MMP16: variants seen among roughly 807,000 people sequenced by gnomAD.
The protein encoded by MMP16 is matrix metalloproteinase-16.
Under a neutral mutation model 67.8 loss-of-function variants are expected in MMP16, and 12 were observed. That is an observed-to-expected ratio of 0.18 (90% CI 0.11 to 0.29). The LOEUF is 0.29. Among genes scored for constraint, MMP16 ranks in the 10% least tolerant of loss-of-function variants. The pLI, the probability that MMP16 is intolerant of heterozygous loss-of-function variation, is 1.00. For synonymous variants in MMP16, 249 were observed against 255.9 expected (o/e 0.97, Z 0.26); for missense variants, 475 against 765.7 (o/e 0.62, Z 4.48).
intron 1 of MMP16, among the ~76,000 whole-genome samples, chr8:88,293,877 T>C (rs942898450): frequency 1.3e-5 from 2 of 152,124 alleles, no homozygotes; most frequent in Admixed American, 6.5e-5. Flanking sequence ...CAATGTTTCA[T>C]GACCAACTAC....
At chr8:88,147,809 C>T (rs1256692899) in intron 4 of MMP16, among the ~76,000 whole-genome samples, 4 of 150,950 alleles carry the variant, frequency 2.6e-5, no homozygotes, top group African/African-American at 7.3e-5. Context: ...GCATGCACGC[C>T]CCTAGTTTAT....
intron 1 of MMP16, among the ~76,000 whole-genome samples, chr8:88,302,950 G>A (rs995890689): frequency 3.3e-5 from 5 of 152,218 alleles, no homozygotes; most frequent in African/African-American, 1.2e-4. Flanking sequence ...GAGAAGCGGT[G>A]AGTGATTGTA....
intron 1 of MMP16, among the ~76,000 whole-genome samples, chr8:88,322,447 A>G (rs1811474592): frequency 6.6e-6 from 1 of 152,096 alleles, no homozygotes; most frequent in African/African-American, 2.4e-5. Flanking sequence ...TCCTATACCA[A>G]TTGATATGTC....
At chr8:88,201,980 G>A (rs560202715) in intron 1 of MMP16, among the ~76,000 whole-genome samples, 7 of 152,190 alleles carry the variant, frequency 4.6e-5, no homozygotes, top group South Asian at 2.1e-4. Flanking sequence ...TTAAACTCAC[G>A]TTGGAGTAAT....
intron 8 of MMP16, among the ~76,000 whole-genome samples, chr8:88,049,235 GGAATCATTAGT>G (rs1808239281): frequency 6.6e-6 from 1 of 152,032 alleles, no homozygotes; most frequent in Admixed American, 6.6e-5. Context: ...ACAATGAAGT[GGAATCATTAGT>G]GTATCATGCC....
In MMP16 at chr8:88,207,617, C is replaced by G. The variant is rs148487775; in HGVS notation, c.133-10311G>C. On this transcript the variant is annotated intron_variant, in intron 1 of 9. Coordinates refer to ENST00000286614, the MANE Select transcript of MMP16 (RefSeq NM_005941.5). ...GTTGAATTGCTTGTGAATTGCTTCA[C>G]TTGTAGCACAGATTGATGTCTGCAG... is the stretch of plus-strand genomic sequence containing the variant. 7.9e-5 allele frequency among the ~76,000 whole-genome samples: 12 copies of G among 151,780 alleles called. 2 individuals are homozygous for G. Among genetic ancestry groups the G allele is most frequent in the African/African-American group, 2.9e-4 (12 of 41,356 alleles).
chr8:88,077,895 C>A (rs906814931), intron 6 of MMP16, among the ~76,000 whole-genome samples: 14 of 151,934 alleles, frequency 9.2e-5, no homozygotes, highest in African/African-American at 2.9e-4. Context: ...GGTCTTTGAA[C>A]CATAAAGAAA....
In MMP16 at chr8:88,261,772, T is replaced by TACACACACACACACAC. The variant is rs1475874060; in HGVS notation, c.133-64482_133-64467dup. Reference sequence around the variant, plus strand: ...ACATATGCATACATATATGTACATGTACACACACACACACACACACAACCA... The same window carrying TACACACACACACACAC: ...ACATATGCATACATATATGTACATGTACACACACACACACACACACACACACACACACACACAACCA... On this transcript the variant is annotated intron_variant, in intron 1 of 9. Coordinates refer to ENST00000286614, the MANE Select transcript of MMP16 (RefSeq NM_005941.5). Among the ~76,000 whole-genome samples, 569 of 149,760 alleles carry TACACACACACACACAC rather than the reference T, an allele frequency of 3.8e-3. 2 individuals carry two copies. The highest frequency in any genetic ancestry group is 0.014 in the East Asian group (73 of 5,066).
intron 2 of MMP16, among the ~76,000 whole-genome samples, chr8:88,194,781 C>T (rs954902967): frequency 6.6e-6 from 1 of 151,952 alleles, no homozygotes; most frequent in Non-Finnish European, 1.5e-5. Flanking sequence ...GAGAAAGATG[C>T]ACTACCAATT....
intron 6 of MMP16, among the ~76,000 whole-genome samples, chr8:88,107,852 A>C (rs1809268559): frequency 6.6e-6 from 1 of 151,240 alleles, no homozygotes; most frequent in South Asian, 2.1e-4. Context: ...TAAGAATAAA[A>C]ACAAGAAATG....
At chr8:88,205,912 C>T (rs1809418296) in intron 1 of MMP16, among the ~76,000 whole-genome samples, 1 of 152,064 alleles carries the variant, frequency 6.6e-6, no homozygotes, top group Non-Finnish European at 1.5e-5. Flanking sequence ...CGATATCAGT[C>T]ATTCTTTTTT....
chr8:88,182,578 G>T (rs1481200506), intron 3 of MMP16, among the ~76,000 whole-genome samples: 1 of 152,124 alleles, frequency 6.6e-6, no homozygotes, highest in African/African-American at 2.4e-5. Flanking sequence ...GGGGCTTGTA[G>T]GTCTACAGTA....
At chr8:88,063,135 C>T (rs1808421792) in intron 7 of MMP16, among the ~76,000 whole-genome samples, 1 of 152,064 alleles carries the variant, frequency 6.6e-6, no homozygotes, top group Non-Finnish European at 1.5e-5. Flanking sequence ...AATAGAATAG[C>T]TTTAAAAATG....
intron 1 of MMP16, among the ~76,000 whole-genome samples, chr8:88,274,090 C>T (rs1012799491): frequency 3.9e-5 from 6 of 151,980 alleles, no homozygotes; most frequent in Admixed American, 3.3e-4. Context: ...AGAAAGCAAA[C>T]GTACCATAGA....
chr8:88,160,825 C>T (rs1808607040), intron 4 of MMP16, among the ~76,000 whole-genome samples: 1 of 151,986 alleles, frequency 6.6e-6, no homozygotes, highest in Middle Eastern at 3.2e-3. Flanking sequence ...TATAAAGACA[C>T]ATGCACACGT....
intron 1 of MMP16, among the ~76,000 whole-genome samples, chr8:88,325,272 A>G (rs1415137449): frequency 6.6e-6 from 1 of 152,196 alleles, no homozygotes; most frequent in African/African-American, 2.4e-5. Flanking sequence ...AAAGAAATAC[A>G]ATCTTTTATG....
chr8:88,240,551 G>T (rs918148871), intron 1 of MMP16, among the ~76,000 whole-genome samples: 1 of 152,102 alleles, frequency 6.6e-6, no homozygotes, highest in African/African-American at 2.4e-5. Flanking sequence ...CTATTGAGAA[G>T]TATACAAGGC....
chr8:88,270,069 C>G (rs941880639), intron 1 of MMP16, among the ~76,000 whole-genome samples: 18 of 152,162 alleles, frequency 1.2e-4, no homozygotes. Context: ...CACTTCAACA[C>G]TTTTGGAATG....
At chr8:88,227,895 T>A (rs1169705699) in intron 1 of MMP16, among the ~76,000 whole-genome samples, 1 of 152,046 alleles carries the variant, frequency 6.6e-6, no homozygotes, top group East Asian at 1.9e-4. Context: ...TAGTCATATT[T>A]AAAAAAATAT....
Sources: allele counts gnomAD v4.1 joint callset (sites outside exome capture counted in the v4.1 genomes callset), GRCh38; gene constraint gnomAD v4.1.1; transcripts MANE v1.5; gene names NCBI Gene and HGNC (gene_info 2026-07-23, HGNC 2026-07-21).